PLCZ1: variants seen among roughly 807,000 people sequenced by gnomAD.
PLCZ1 encodes phospholipase C zeta 1.
PLCZ1 carries 64 observed loss-of-function variants against 76.8 expected under a neutral mutation model. The observed-to-expected ratio is 0.83, with a 90% CI of 0.68 to 1.03. The LOEUF (loss-of-function observed/expected upper bound fraction) is 1.03, where lower values mean the gene tolerates loss of function less well. Among genes scored for constraint, PLCZ1 ranks in the 50% least tolerant of loss-of-function variants. PLCZ1 has a pLI of 0.00. For synonymous variants in PLCZ1, 248 were observed against 230.8 expected (o/e 1.07, Z -0.68); for missense variants, 751 against 713.7 (o/e 1.05, Z -0.60).
At chr12:18,723,581 T>C (rs1555194470) in intron 3 of PLCZ1, 39 bp from the exon 4 acceptor site, 5 of 1,436,132 alleles carry the variant, frequency 3.5e-6, no homozygotes, top group African/African-American at 2.8e-5. Flanking sequence ...ATTGTGAGTA[T>C]AAAAAATACA....
At chr12:18,731,334 T>C (rs892142864) in intron 3 of PLCZ1, among the ~76,000 whole-genome samples, 18 of 151,990 alleles carry the variant, frequency 1.2e-4, no homozygotes, top group African/African-American at 4.1e-4. Context: ...GATGACAGCC[T>C]ACAGGGCAAA....
In PLCZ1 at chr12:18,683,451, C is replaced by G. The variant is rs1228445300; in HGVS notation, c.1742-127G>C. Reference sequence around the variant, plus strand: ...AAAACCATGACTATAGAGTTATATTCCCATCTGGTATATTAATCTTCCACA... The same window carrying G: ...AAAACCATGACTATAGAGTTATATTGCCATCTGGTATATTAATCTTCCACA... On this transcript the variant is annotated intron_variant, in intron 14 of 14. Transcript: ENST00000266505. 3.5e-6 allele frequency: 5 copies of G among 1,434,316 alleles called. No homozygotes were observed. In the African/African-American group the frequency reaches 7.1e-5, roughly 20 times the overall value. The allele number at this position is 1,434,316 out of a possible 1,614,324, so 88.8% of individuals were successfully genotyped here.
chr12:18,702,039 G>A (rs761023543), intron 7 of PLCZ1, among the ~76,000 whole-genome samples: 2 of 151,438 alleles, frequency 1.3e-5, no homozygotes, highest in African/African-American at 4.9e-5. Flanking sequence ...TTCCCAAGTT[G>A]GTACTATTCC....
chr12:18,720,973 A>T (rs1385671416), intron 4 of PLCZ1, among the ~76,000 whole-genome samples: 1 of 152,120 alleles, frequency 6.6e-6, no homozygotes, highest in Non-Finnish European at 1.5e-5. Flanking sequence ...AAAAAATAAA[A>T]GCTAGAAGAA....
chr12:18,718,782 A>T (rs1207500606), intron 5 of PLCZ1, among the ~76,000 whole-genome samples: 1 of 152,140 alleles, frequency 6.6e-6, no homozygotes, highest in East Asian at 1.9e-4. Context: ...CCTGGTTATT[A>T]TCTGTCTATC....
Position 18,701,191 on chromosome 12 carries a change from A to G in PLCZ1, c.1017+310T>C, listed in dbSNP as rs569726452. ...GTAGAGACGGGGTTTCACCATGTTG[A>G]CCAGGCTGATCTCAAACTCCTGACT... On this transcript the variant is annotated intron_variant, in intron 9 of 14. Coordinates refer to ENST00000266505, the MANE Select transcript of PLCZ1 (RefSeq NM_033123.4). 7.2e-4 allele frequency among the ~76,000 whole-genome samples: 110 copies of G among 151,940 alleles called. 1 individual carries two copies. Among genetic ancestry groups the G allele is most frequent in the South Asian group, 2.1e-3 (10 of 4,808 alleles).
the PLCZ1 span, among the ~76,000 whole-genome samples, chr12:18,654,209 C>T: frequency 6.6e-6 from 1 of 151,128 alleles, no homozygotes; most frequent in Non-Finnish European, 1.5e-5. Flanking sequence ...AGTCAATATA[C>T]TCAGGTCCAA....
chr12:18,653,052 C>T, the PLCZ1 span, among the ~76,000 whole-genome samples: 1 of 152,074 alleles, frequency 6.6e-6, no homozygotes, highest in East Asian at 1.9e-4. Context: ...TCCTTAAAGT[C>T]TCCTCGAAAC....
At position 18,723,543 on chromosome 12, in the gene PLCZ1, C is replaced by A; in HGVS notation, c.136-1G>T. 1 of 1,608,806 alleles carries A rather than the reference C, an allele frequency of 6.2e-7. No individual in the cohort carries two copies. Among genetic ancestry groups the A allele is most frequent in the Non-Finnish European group, 8.5e-7 (1 of 1,176,968 alleles). ...TTCCTTGTTTCAGCCTGTCATTGTC[C>A]TACTAAAAAAATGACTGGTGGGCTC... On this transcript the variant is annotated splice_acceptor_variant, in intron 3 of 14. Coordinates refer to ENST00000266505, the MANE Select transcript of PLCZ1 (RefSeq NM_033123.4). LOFTEE classifies it high-confidence loss of function.
At chr12:18,661,035 T>C in the PLCZ1 span, among the ~76,000 whole-genome samples, 5 of 151,962 alleles carry the variant, frequency 3.3e-5, no homozygotes, top group Admixed American at 3.3e-4. Flanking sequence ...ACTAGAAGAA[T>C]TGAAGGGTAT....
rs536041599 is a variant in PLCZ1 at position 18,688,351 on chromosome 12, T to A, written c.1462-133A>T. On this transcript the variant is annotated intron_variant, in intron 12 of 14. Coordinates refer to ENST00000266505, the MANE Select transcript of PLCZ1 (RefSeq NM_033123.4). Reference sequence around the variant, plus strand: ...GCTCCCACAAACATTGAAAGTGGAATACAATACAAATTTTAAAATTTAAGT... The same window carrying A: ...GCTCCCACAAACATTGAAAGTGGAAAACAATACAAATTTTAAAATTTAAGT... 1.3e-5 allele frequency: 11 copies of A among 872,534 alleles called. No homozygotes were observed. The East Asian group carries it at 2.6e-4, about 21-fold the overall frequency. 54.0% of individuals were successfully genotyped at this position (872,534 alleles called of 1,614,324 possible).
intron 3 of PLCZ1, among the ~76,000 whole-genome samples, chr12:18,727,668 T>G (rs1958828383): frequency 6.6e-6 from 1 of 152,160 alleles, no homozygotes; most frequent in Non-Finnish European, 1.5e-5. Flanking sequence ...GAAGCCACAG[T>G]GAGAAATTTA....
the PLCZ1 span, among the ~76,000 whole-genome samples, chr12:18,677,741 A>C: frequency 6.6e-6 from 1 of 152,096 alleles, no homozygotes; most frequent in Non-Finnish European, 1.5e-5. Context: ...TAAGGTTAAG[A>C]ACAACTGGTC....
downstream of PLCZ1, among the ~76,000 whole-genome samples, chr12:18,680,053 G>A (rs181246003): frequency 6.6e-6 from 1 of 152,048 alleles, no homozygotes; most frequent in Non-Finnish European, 1.5e-5. Context: ...AGAACCCTTT[G>A]TTGGTACACA....
chr12:18,692,734 T>C, intron 12 of PLCZ1: 7 of 918,278 alleles, frequency 7.6e-6, no homozygotes. Context: ...AAAGAAAAAA[T>C]GTTAAAAGCT....
chr12:18,661,690 G>A, the PLCZ1 span, among the ~76,000 whole-genome samples: 1 of 152,092 alleles, frequency 6.6e-6, no homozygotes, highest in Non-Finnish European at 1.5e-5. Flanking sequence ...CTTATACACT[G>A]CTGGTGGGAA....
At chr12:18,689,439 T>A (rs558460440) in intron 12 of PLCZ1, among the ~76,000 whole-genome samples, 1 of 152,298 alleles carries the variant, frequency 6.6e-6, no homozygotes, top group East Asian at 1.9e-4. Flanking sequence ...TATGAGATTC[T>A]TTTTGCATTT....
chr12:18,725,678 C>G (rs1254523401), intron 3 of PLCZ1, among the ~76,000 whole-genome samples: 2 of 152,138 alleles, frequency 1.3e-5, no homozygotes, highest in Non-Finnish European at 2.9e-5. Context: ...CTGCTCTTAT[C>G]TTTTTCCTCC....
chr12:18,733,404 T>C (rs981370836), intron 3 of PLCZ1, among the ~76,000 whole-genome samples: 2 of 152,216 alleles, frequency 1.3e-5, no homozygotes, highest in Admixed American at 6.5e-5. Flanking sequence ...AAATTGGCTT[T>C]ACATTTTTGT....
Sources: gnomAD v4.1 joint callset for allele counts (sites outside exome capture counted in the v4.1 genomes callset) on GRCh38, gnomAD v4.1.1 for gene constraint, MANE v1.5 for transcripts, NCBI Gene and HGNC (gene_info 2026-07-23, HGNC 2026-07-21) for gene names.